Variants in ATXN7L1 observed in about 807,000 individuals in gnomAD.
ATXN7L1 encodes ataxin-7-like protein 1.
A neutral mutation model predicts 70.8 loss-of-function variants in ATXN7L1; 15 were observed. The ratio of observed to expected loss-of-function variants is 0.21; its 90% CI spans 0.14 to 0.33. The LOEUF is 0.33. ATXN7L1 is among the 10% of genes least tolerant of loss of function. ATXN7L1 has a pLI of 1.00. For missense variants in ATXN7L1, 975 were observed against 1,097.1 expected (o/e 0.89, Z 1.57); for synonymous variants, 440 against 445.1 (o/e 0.99, Z 0.14).
At chr7:105,775,045 T>G (rs1235868213) in intron 3 of ATXN7L1, among the ~76,000 whole-genome samples, 1 of 152,170 alleles carries the variant, frequency 6.6e-6, no homozygotes, top group Non-Finnish European at 1.5e-5. Flanking sequence ...CCAGGTAAAG[T>G]GGGATTCATC....
At chr7:105,667,395 C>G (rs11770071) in intron 3 of ATXN7L1, among the ~76,000 whole-genome samples, 3,276 of 150,376 alleles carry the variant, frequency 0.022, 105 homozygotes, top group East Asian at 0.055. Context: ...AAGGTTAGAA[C>G]TGTATCTTAA....
chr7:105,658,581 A>C (rs905690986), intron 4 of ATXN7L1, among the ~76,000 whole-genome samples: 1 of 112,132 alleles, frequency 8.9e-6, no homozygotes, highest in African/African-American at 3.9e-5. Flanking sequence ...CCCAGGCTGG[A>C]GTGCAGTGCC....
At chr7:105,619,553 T>G (rs1275101423) in intron 9 of ATXN7L1, among the ~76,000 whole-genome samples, 1 of 57,124 alleles carries the variant, frequency 1.8e-5, no homozygotes, top group African/African-American at 6.0e-5. Context: ...TTTTTTTTTT[T>G]TTTTTTTTTT....
At chr7:105,721,473 C>T (rs966472293) in intron 3 of ATXN7L1, among the ~76,000 whole-genome samples, 2 of 152,194 alleles carry the variant, frequency 1.3e-5, no homozygotes, top group Admixed American at 6.5e-5. Flanking sequence ...GAATGCTCTG[C>T]GCAGGCCAGC....
chr7:105,624,374 A>C, intron 7 of ATXN7L1, 107 bp from the exon 8 acceptor site: 10 of 1,138,368 alleles, frequency 8.8e-6, no homozygotes, highest in Non-Finnish European at 1.0e-5. Context: ...GATTAAGGCC[A>C]GGTTCGGTGG....
chr7:105,635,836 GT>G (rs1797271837), intron 7 of ATXN7L1, among the ~76,000 whole-genome samples: 1 of 151,212 alleles, frequency 6.6e-6, no homozygotes, highest in Non-Finnish European at 1.5e-5. Flanking sequence ...TTCCATTCAT[GT>G]GCGATAGTTT....
chr7:105,653,847 G>A (rs879264177), intron 4 of ATXN7L1, among the ~76,000 whole-genome samples: 48 of 151,930 alleles, frequency 3.2e-4, no homozygotes, highest in Non-Finnish European at 2.1e-4. Flanking sequence ...TCTGTGGGCC[G>A]GGCTCTCCTG....
chr7:105,758,104 G>A (rs1004751873), intron 3 of ATXN7L1, among the ~76,000 whole-genome samples: 2 of 152,090 alleles, frequency 1.3e-5, no homozygotes, highest in African/African-American at 4.8e-5. Context: ...CTCATGGACT[G>A]CTCTCTTCTT....
At chr7:105,613,786 C>A (rs753149036) in intron 10 of ATXN7L1, 76 bp downstream of exon 10, 2 of 1,548,498 alleles carry the variant, frequency 1.3e-6, no homozygotes, top group Non-Finnish European at 1.7e-6. Context: ...GTCGGAGCCG[C>A]CCGGCTAAGC....
chr7:105,772,274 A>T (rs552944620), intron 3 of ATXN7L1, among the ~76,000 whole-genome samples: 33 of 152,078 alleles, frequency 2.2e-4, no homozygotes, highest in African/African-American at 7.7e-4. Flanking sequence ...GGGTTTCACC[A>T]TGTTGGCCAG....
chr7:105,760,159 G>A (rs557270537), intron 3 of ATXN7L1: 1 of 973,644 alleles, frequency 1.0e-6, no homozygotes, highest in East Asian at 1.1e-4. Flanking sequence ...CCCCCTAACT[G>A]TTAATCTGTC....
chr7:105,843,203 G>A (rs914712160), intron 2 of ATXN7L1, among the ~76,000 whole-genome samples: 1 of 152,098 alleles, frequency 6.6e-6, no homozygotes, highest in African/African-American at 2.4e-5. Flanking sequence ...GGTGGGATTT[G>A]GGAAGGCTGC....
intron 3 of ATXN7L1, among the ~76,000 whole-genome samples, chr7:105,687,259 C>T (rs1790046631): frequency 6.6e-6 from 1 of 152,208 alleles, no homozygotes. Context: ...TGTTCTGATG[C>T]TGAGGCAGGA....
intron 3 of ATXN7L1, among the ~76,000 whole-genome samples, chr7:105,754,570 C>A (rs12536034): frequency 0.17 from 25,142 of 151,862 alleles, 2,451 homozygotes; most frequent in African/African-American, 0.27. Context: ...AAGGGACCCT[C>A]CCACCTCAGC....
chr7:105,677,763 T>G (rs1038562437), intron 3 of ATXN7L1, among the ~76,000 whole-genome samples: 1 of 152,190 alleles, frequency 6.6e-6, no homozygotes, highest in African/African-American at 2.4e-5. Flanking sequence ...ATTAGTCCAC[T>G]TACAAGAATC....
chr7:105,788,737 T>C (rs2116481793), intron 2 of ATXN7L1, 29 bp from the exon 3 acceptor site: 1 of 1,551,238 alleles, frequency 6.4e-7, no homozygotes, highest in East Asian at 2.2e-5. Context: ...CAAGTGTGTT[T>C]TGAAAAAGCA....
intron 4 of ATXN7L1, among the ~76,000 whole-genome samples, chr7:105,647,762 C>T (rs1438052594): frequency 2.6e-5 from 4 of 152,250 alleles, no homozygotes; most frequent in Admixed American, 6.5e-5. Flanking sequence ...GGCAGCCCCA[C>T]GAGCACAGGT....
At chr7:105,697,168 T>C (rs1189305222) in intron 3 of ATXN7L1, among the ~76,000 whole-genome samples, 1 of 152,202 alleles carries the variant, frequency 6.6e-6, no homozygotes, top group Non-Finnish European at 1.5e-5. Context: ...TAACATCTTA[T>C]CAGGAGACAG....
chr7:105,743,183 G>T (rs1170659479), intron 3 of ATXN7L1, among the ~76,000 whole-genome samples: 3 of 152,026 alleles, frequency 2.0e-5, no homozygotes, highest in Non-Finnish European at 4.4e-5. Context: ...TCAGAGGAGG[G>T]GAAGAGGTAC....
Sources: allele counts gnomAD v4.1 joint callset (sites outside exome capture counted in the v4.1 genomes callset), GRCh38; gene constraint gnomAD v4.1.1; transcripts MANE v1.5; gene names NCBI Gene and HGNC (gene_info 2026-07-23, HGNC 2026-07-21).